PRAMEF9: variants seen among roughly 807,000 people sequenced by gnomAD.
PRAMEF9 encodes the protein PRAME family member 9.
Under a neutral mutation model 10.9 loss-of-function variants are expected in PRAMEF9, and 1 was observed. That is an observed-to-expected ratio of 0.09 (90% confidence interval 0.03 to 0.44). The LOEUF is 0.44. Among genes scored for constraint, PRAMEF9 ranks in the 20% least tolerant of loss-of-function variants. The pLI, the probability that PRAMEF9 is intolerant of heterozygous loss-of-function variation, is 0.97. For missense variants in PRAMEF9, 126 were observed against 379.8 expected (o/e 0.33, Z 5.55); for synonymous variants, 40 against 148.3 (o/e 0.27, Z 5.31).
Position 13,172,137 on chromosome 1 carries a change from A to G in PRAMEF9, c.-412A>G, listed in dbSNP as rs1186618651. On this transcript the variant is annotated 5_prime_UTR_variant, in exon 1 of 4. Coordinates refer to ENST00000415919, the MANE Select transcript of PRAMEF9 (RefSeq NM_001010890.3). Reference sequence around the variant, plus strand: ...TAATCCACCTGCCTCTGCCTCCCACAGTGCTGGGATTACAGGTGTGAGCCA... The same window carrying G: ...TAATCCACCTGCCTCTGCCTCCCACGGTGCTGGGATTACAGGTGTGAGCCA... 6.9e-6 allele frequency: 1 copy of G among 144,392 alleles called. No homozygotes were observed. The highest frequency in any genetic ancestry group is 7.0e-5 in the Admixed American group (1 of 14,266). 8.9% of individuals were successfully genotyped at this position (144,392 alleles called of 1,614,324 possible).
At position 13,172,010 on chromosome 1, in the gene PRAMEF9, G is replaced by A. The variant is rs1456041855; in HGVS notation, c.-539G>A. 61 of 141,640 alleles carry A rather than the reference G, an allele frequency of 4.3e-4. No homozygotes were observed. Among genetic ancestry groups the A allele is most frequent in the African/African-American group, 1.2e-3 (48 of 40,784 alleles). 8.8% of individuals were successfully genotyped at this position (141,640 alleles called of 1,614,324 possible). ...CTGTCTCAGCCTCCCTAGTAGCCTG[G>A]ACTATAGGCGCAGACCACCGCAACT... On this transcript the variant is annotated 5_prime_UTR_variant, in exon 1 of 4. Transcript: ENST00000415919.
In PRAMEF9 at chr1:13,172,551, T is replaced by C. The variant is rs1461329445; in HGVS notation, c.-17+19T>C. ...AGATCTGGTAAGTCACTAATTTCTGTAAGGACACTCCCATCTGACCTACAG... is the reference window on the plus strand; with the variant it reads ...AGATCTGGTAAGTCACTAATTTCTGCAAGGACACTCCCATCTGACCTACAG... On this transcript the variant is annotated intron_variant, in intron 1 of 3. Transcript: ENST00000415919. 7.1e-6 allele frequency: 1 copy of C among 140,332 alleles called. No homozygotes were observed. The highest frequency in any genetic ancestry group is 2.5e-5 in the African/African-American group (1 of 40,658). The allele number at this position is 140,332 out of a possible 1,614,324, so 8.7% of individuals were successfully genotyped here.
chr1:13,171,878 CT>C lies in PRAMEF9; in HGVS notation c.-650del, dbSNP rs1161135169. 88,897 of 123,736 alleles carry C rather than the reference CT, an allele frequency of 0.72. 30,429 individuals are homozygous for C. Among genetic ancestry groups the C allele is most frequent in the Non-Finnish European group, 0.76 (42,823 of 56,162 alleles). The allele number at this position is 123,736 out of a possible 1,614,324, so 7.7% of individuals were successfully genotyped here. A position where few individuals can be genotyped will look rare whatever the true frequency, so the allele number is the denominator to read the frequency against. ...TTCTCTCTCTCTCTTTTTTCTTTTT[CT>C]TTTTTTTTTTTTTTTTTTTTAAATC... On this transcript the variant is annotated 5_prime_UTR_variant, in exon 1 of 4. Transcript: ENST00000415919.
In PRAMEF9 at chr1:13,172,022, A is replaced by C. The variant is rs1486335912; in HGVS notation, c.-527A>C. On this transcript the variant is annotated 5_prime_UTR_variant, in exon 1 of 4. Coordinates refer to ENST00000415919, the MANE Select transcript of PRAMEF9 (RefSeq NM_001010890.3). ...CCCTAGTAGCCTGGACTATAGGCGC[A>C]GACCACCGCAACTGGCTAATTTTTG... 1 of 142,522 alleles carries C rather than the reference A, an allele frequency of 7.0e-6. No homozygotes were observed. The allele number at this position is 142,522 out of a possible 1,614,324, so 8.8% of individuals were successfully genotyped here.
chr1:13,175,056 C>G, intron 1 of PRAMEF9: 1 of 588,552 alleles, frequency 1.7e-6, no homozygotes, highest in Non-Finnish European at 2.9e-6. Flanking sequence ...CTCGTGGTGA[C>G]CCTGCTTCCT....
In PRAMEF9 at chr1:13,171,878, CTTTTTTTTTTTTTTTTTTT is replaced by C. The variant is rs1161135169; in HGVS notation, c.-668_-650del. 1 of 123,730 alleles carries C rather than the reference CTTTTTTTTTTTTTTTTTTT, an allele frequency of 8.1e-6. No individual in the cohort carries two copies. The highest frequency in any genetic ancestry group is 2.7e-5 in the African/African-American group (1 of 37,136). The allele number at this position is 123,730 out of a possible 1,614,324, so 7.7% of individuals were successfully genotyped here. A position where few individuals can be genotyped will look rare whatever the true frequency, so the allele number is the denominator to read the frequency against. On this transcript the variant is annotated 5_prime_UTR_variant, in exon 1 of 4. Transcript: ENST00000415919. ...TTCTCTCTCTCTCTTTTTTCTTTTT[CTTTTTTTTTTTTTTTTTTT>C]TTAAATCTAGCCTATTTCCCAGGCT...
At chr1:13,175,064 C>T in intron 1 of PRAMEF9, 4 of 607,124 alleles carry the variant, frequency 6.6e-6, no homozygotes, top group South Asian at 5.9e-5. Context: ...GACCCTGCTT[C>T]CTCACTGCTT....
rs1328966585 is a variant in PRAMEF9 at position 13,172,213 on chromosome 1, C to A, written c.-336C>A. On this transcript the variant is annotated 5_prime_UTR_variant, in exon 1 of 4. Transcript: ENST00000415919. ...TTCTTGACTTCTACCCTATCCCTAA[C>A]ACTGTCAATTTCTTGCTTCGTGAAG... The A allele has an allele frequency of 6.9e-6, 1 of 144,732 alleles. No homozygotes were observed. Among genetic ancestry groups the A allele is most frequent in the East Asian group, 2.2e-4 (1 of 4,644 alleles). The allele number at this position is 144,732 out of a possible 1,614,324, so 9.0% of individuals were successfully genotyped here.
rs1638340670 is a variant in PRAMEF9 at position 13,172,718 on chromosome 1, A to G, written c.-17+186A>G. On this transcript the variant is annotated intron_variant, in intron 1 of 3. Coordinates refer to ENST00000415919, the MANE Select transcript of PRAMEF9 (RefSeq NM_001010890.3). The stretch of plus-strand genomic sequence containing the variant: ...TTCTGTCTTTATTTCAAAAAAGTTG[A>G]TTGTGCTTTGGTTGATGCCATTTTA... The G allele has an allele frequency of 1.5e-5, 2 of 136,740 alleles. 1 individual carries two copies. The highest frequency in any genetic ancestry group is 4.6e-4 in the South Asian group (2 of 4,328). 8.5% of individuals were successfully genotyped at this position (136,740 alleles called of 1,614,324 possible). A position where few individuals can be genotyped will look rare whatever the true frequency, so the allele number is the denominator to read the frequency against.
Position 13,171,914 on chromosome 1 carries a change from T to G in PRAMEF9, c.-635T>G, listed in dbSNP as rs1441567406. On this transcript the variant is annotated 5_prime_UTR_variant, in exon 1 of 4. Transcript: ENST00000415919. ...TTTTTTTTTTTAAATCTAGCCTATT[T>G]CCCAGGCTGGAGTTCAGTGGTGTAT... 7.4e-6 allele frequency: 1 copy of G among 135,314 alleles called. No homozygotes were observed. The highest frequency in any genetic ancestry group is 7.9e-5 in the Admixed American group (1 of 12,734). 8.4% of individuals were successfully genotyped at this position (135,314 alleles called of 1,614,324 possible). A position where few individuals can be genotyped will look rare whatever the true frequency, so the allele number is the denominator to read the frequency against.
Position 13,179,062 on chromosome 1 carries a change from G to T in PRAMEF9, c.1367G>T (p.Cys456Phe). 1 of 1,541,612 alleles carries T rather than the reference G, an allele frequency of 6.5e-7. No homozygotes were observed. The highest frequency in any genetic ancestry group is 8.9e-7 in the Non-Finnish European group (1 of 1,122,832). ...AGGCACCCCAAGAGGATCTTTTTCT[G>T]TATTGACAACTGCCCTGACTGTGGC... ...DLRHPKRIFF[C>F]IDNCPDCGNR... Residue 456 changes from cysteine (C) to phenylalanine (F), a missense_variant, in exon 4 of 4, where the codon TGT (cysteine) becomes TTT (phenylalanine). By Grantham distance (205) the Cys-to-Phe change is radical. Coordinates refer to ENST00000415919, the MANE Select transcript of PRAMEF9 (RefSeq NM_001010890.3).
chr1:13,172,566 C>A (rs1464363652), intron 1 of PRAMEF9, 34 bp downstream of exon 1: 3 of 140,330 alleles, frequency 2.1e-5, no homozygotes, highest in East Asian at 4.9e-4. Context: ...ACACTCCCAT[C>A]TGACCTACAG....
At position 13,179,105 on chromosome 1, in the gene PRAMEF9, C is replaced by A. The variant is rs1172783095; in HGVS notation, c.1410C>A (p.Asp470Glu). ...CPDCGNRSFY[D>E]LEADQYCC The stretch of plus-strand genomic sequence containing the variant: ...ACTGTGGCAACAGGTCATTTTATGA[C>A]CTGGAGGCAGATCAATACTGCTGTT... The change falls in exon 4 of 4, where the codon GAC (aspartate) becomes GAA (glutamate). Residue 470 changes from aspartate (D) to glutamate (E), a missense_variant. Transcript: ENST00000415919. The A allele has an allele frequency of 5.2e-6, 8 of 1,540,678 alleles. 2 individuals carry two copies. Among genetic ancestry groups the A allele is most frequent in the Non-Finnish European group, 7.1e-6 (8 of 1,122,412 alleles).
In PRAMEF9 at chr1:13,171,924, G is replaced by A. The variant is rs1238218300; in HGVS notation, c.-625G>A. 1 of 135,586 alleles carries A rather than the reference G, an allele frequency of 7.4e-6. No individual in the cohort carries two copies. Among genetic ancestry groups the A allele is most frequent in the Admixed American group, 7.7e-5 (1 of 12,974 alleles). The allele number at this position is 135,586 out of a possible 1,614,324, so 8.4% of individuals were successfully genotyped here. A position where few individuals can be genotyped will look rare whatever the true frequency, so the allele number is the denominator to read the frequency against. ...TAAATCTAGCCTATTTCCCAGGCTGGAGTTCAGTGGTGTATTGTCAGCTCA... is the reference window on the plus strand; with the variant it reads ...TAAATCTAGCCTATTTCCCAGGCTGAAGTTCAGTGGTGTATTGTCAGCTCA... On this transcript the variant is annotated 5_prime_UTR_variant, in exon 1 of 4. Coordinates refer to ENST00000415919, the MANE Select transcript of PRAMEF9 (RefSeq NM_001010890.3).
rs1438132506 is a variant in PRAMEF9 at position 13,172,266 on chromosome 1, C to T, written c.-283C>T. 2.1e-5 allele frequency: 3 copies of T among 144,850 alleles called. 1 individual carries two copies. The highest frequency in any genetic ancestry group is 2.2e-4 in the South Asian group (1 of 4,592). The allele number at this position is 144,850 out of a possible 1,614,324, so 9.0% of individuals were successfully genotyped here. ...AATATAGATATGTGATATGAATGGA[C>T]ATCTGATTCAATCCATTAATCTGGG... On this transcript the variant is annotated 5_prime_UTR_variant, in exon 1 of 4. Transcript: ENST00000415919.
At chr1:13,175,175 C>T in intron 1 of PRAMEF9, 90 bp from the exon 2 acceptor site, 2 of 1,309,798 alleles carry the variant, frequency 1.5e-6, no homozygotes, top group South Asian at 1.3e-5. Context: ...TCACCATTGC[C>T]AGAGCAGTGA....
At position 13,175,148 on chromosome 1, in the gene PRAMEF9, G is replaced by A. The variant is rs1367740336; in HGVS notation, c.-16-117G>A. The A allele has an allele frequency of 1.8e-5, 22 of 1,223,914 alleles. 3 individuals are homozygous for A. In the Admixed American group the frequency reaches 3.8e-4, roughly 21 times the overall value. The allele number at this position is 1,223,914 out of a possible 1,614,324, so 75.8% of individuals were successfully genotyped here. ...CCACTGAGTACAGAGTAGAATTGGA[G>A]TAAACTGAGGGCTGTTTCACCATTG... On this transcript the variant is annotated intron_variant, in intron 1 of 3. Transcript: ENST00000415919.
rs1638332025 is a variant in PRAMEF9, at chr1:13,172,289, G to A, written c.-260G>A. On this transcript the variant is annotated 5_prime_UTR_variant, in exon 1 of 4. Coordinates refer to ENST00000415919, the MANE Select transcript of PRAMEF9 (RefSeq NM_001010890.3). ...GACATCTGATTCAATCCATTAATCT[G>A]GGGAGAGCCAAAAACCCAATCAGGA... 7.2e-6 allele frequency: 1 copy of A among 138,998 alleles called. No individual in the cohort carries two copies. Among genetic ancestry groups the A allele is most frequent in the African/African-American group, 2.4e-5 (1 of 40,826 alleles). 8.6% of individuals were successfully genotyped at this position (138,998 alleles called of 1,614,324 possible).
In PRAMEF9 at chr1:13,179,042, C is replaced by A. The variant is rs549445212; in HGVS notation, c.1347C>A (p.His449Gln). ...ELMNRVRDLR[H>Q]PKRIFFCIDN... is the part of the protein sequence containing the mutation. ...TGAACAGAGTGAGGGACTTAAGGCA[C>A]CCCAAGAGGATCTTTTTCTGTATTG... Residue 449 changes from histidine to glutamine, a missense_variant, in exon 4 of 4, where the codon CAC becomes CAA. Transcript: ENST00000415919. The A allele has an allele frequency of 3.9e-6, 6 of 1,541,256 alleles. 1 individual carries two copies. The highest frequency in any genetic ancestry group is 5.3e-6 in the Non-Finnish European group (6 of 1,122,700).
Sources: allele counts gnomAD v4.1 joint callset, GRCh38; gene constraint gnomAD v4.1.1; transcripts MANE v1.5; gene names NCBI Gene and HGNC (gene_info 2026-07-23, HGNC 2026-07-21).